The following RFTN2 variants were observed in gnomAD, a reference collection of about 807,000 sequenced individuals.
RFTN2 encodes raftlin-2.
In RFTN2, 34 loss-of-function variants were observed where a neutral mutation model predicts 52.7. The observed-to-expected ratio is 0.64, with a 90% CI of 0.49 to 0.86. The LOEUF (loss-of-function observed/expected upper bound fraction) is 0.86. RFTN2 is among the 40% of genes least tolerant of loss of function. RFTN2 has a pLI of 0.00. For missense variants in RFTN2, 536 were observed against 600.1 expected, an observed-to-expected ratio of 0.89 and a Z score of 1.12; for synonymous variants, 203 against 217.7, an observed-to-expected ratio of 0.93 and a Z score of 0.59.
At chr2:197,662,003 C>T (rs530262166) in intron 1 of RFTN2, among the ~76,000 whole-genome samples, 21 of 152,154 alleles carry the variant, frequency 1.4e-4, no homozygotes, top group South Asian at 2.1e-4. Flanking sequence ...AAATTGTTGA[C>T]GTGTTTGAGT....
intron 5 of RFTN2, among the ~76,000 whole-genome samples, chr2:197,618,949 G>A (rs560712420): frequency 1.3e-5 from 2 of 152,050 alleles, no homozygotes; most frequent in South Asian, 2.1e-4. Context: ...CGTCCGGGAG[G>A]GAGGTGGGGG....
intron 1 of RFTN2, among the ~76,000 whole-genome samples, chr2:197,658,466 T>G (rs1326610983): frequency 2.3e-5 from 3 of 127,660 alleles, no homozygotes; most frequent in African/African-American, 8.9e-5. Flanking sequence ...TTTTTTTTTT[T>G]GGCAGAGGTG....
chr2:197,626,165 T>A (rs2106225107), intron 5 of RFTN2, among the ~76,000 whole-genome samples: 1 of 152,300 alleles, frequency 6.6e-6, no homozygotes, highest in South Asian at 2.1e-4. Context: ...AATAAATATC[T>A]TGGTAAAAGC....
intron 1 of RFTN2, among the ~76,000 whole-genome samples, chr2:197,648,594 C>T (rs913976608): frequency 6.6e-6 from 1 of 152,082 alleles, no homozygotes; most frequent in Non-Finnish European, 1.5e-5. Context: ...TGAAACATAA[C>T]CTAAACTTAT....
Position 197,653,612 on chromosome 2 carries a change from G to A in RFTN2, c.140-6946C>T, listed in dbSNP as rs530101985. Among the ~76,000 whole-genome samples the A allele has an allele frequency of 7.3e-5, 11 of 151,714 alleles. No individual in the cohort carries two copies. The South Asian group carries it at 2.3e-3, about 32-fold the overall frequency. ...GATTTTTGTTCAACTTTACTAGAAA[G>A]CAGACTGCCAGCAACTTCAAAAATC... On this transcript the variant is annotated intron_variant, in intron 1 of 8. Transcript: ENST00000295049.
intron 1 of RFTN2, among the ~76,000 whole-genome samples, chr2:197,674,572 T>C (rs1489755763): frequency 6.6e-6 from 1 of 152,088 alleles, no homozygotes; most frequent in African/African-American, 2.4e-5. Context: ...TAATTAAAGA[T>C]ATAGCTTTTT....
intron 3 of RFTN2, 77 bp from the exon 4 acceptor site, chr2:197,634,074 C>T (rs1022438095): frequency 8.1e-7 from 1 of 1,240,384 alleles, no homozygotes; most frequent in Non-Finnish European, 1.1e-6. Flanking sequence ...AACCTTTAGG[C>T]TTATTGAGGA....
chr2:197,628,795 T>A (rs1440464607), intron 5 of RFTN2, among the ~76,000 whole-genome samples: 1 of 152,250 alleles, frequency 6.6e-6, no homozygotes, highest in African/African-American at 2.4e-5. Context: ...ATTTATTATA[T>A]CTTGTTACAT....
intron 5 of RFTN2, among the ~76,000 whole-genome samples, chr2:197,627,706 C>G (rs1160433886): frequency 2.0e-5 from 3 of 151,948 alleles, no homozygotes; most frequent in Admixed American, 2.0e-4. Flanking sequence ...CATTTGGAGG[C>G]TGGGGAAGTG....
chr2:197,594,915 C>T (rs1456439388), intron 8 of RFTN2, among the ~76,000 whole-genome samples: 3 of 152,326 alleles, frequency 2.0e-5, no homozygotes, highest in East Asian at 1.9e-4. Flanking sequence ...TTAAAATGTA[C>T]TAAACAATGT....
intron 1 of RFTN2, among the ~76,000 whole-genome samples, chr2:197,660,185 A>C (rs1174615485): frequency 1.3e-5 from 2 of 152,244 alleles, no homozygotes; most frequent in Non-Finnish European, 1.5e-5. Context: ...TCTGGATCAT[A>C]TTAATTCAGA....
intron 3 of RFTN2, among the ~76,000 whole-genome samples, chr2:197,642,262 T>C (rs2088685476): frequency 6.6e-6 from 1 of 152,206 alleles, no homozygotes; most frequent in African/African-American, 2.4e-5. Context: ...TTTCAGTTTC[T>C]TACCTGAAAG....
intron 3 of RFTN2, among the ~76,000 whole-genome samples, chr2:197,642,764 G>A (rs1400634082): frequency 1.3e-5 from 2 of 152,136 alleles, no homozygotes; most frequent in Non-Finnish European, 2.9e-5. Context: ...CAGTAGGATC[G>A]ATTGAGCCCA....
At chr2:197,600,880 A>T (rs1425102685) in intron 7 of RFTN2, among the ~76,000 whole-genome samples, 1 of 152,246 alleles carries the variant, frequency 6.6e-6, no homozygotes, top group East Asian at 1.9e-4. Flanking sequence ...AACTTTGGAA[A>T]ATATGCTTGA....
At chr2:197,601,011 C>G (rs899332972) in intron 7 of RFTN2, among the ~76,000 whole-genome samples, 1 of 152,194 alleles carries the variant, frequency 6.6e-6, no homozygotes, top group African/African-American at 2.4e-5. Context: ...TCTCTGAGGG[C>G]AGCAGATGAT....
intron 4 of RFTN2, among the ~76,000 whole-genome samples, chr2:197,633,381 G>C (rs994097897): frequency 6.6e-6 from 1 of 152,118 alleles, no homozygotes; most frequent in East Asian, 1.9e-4. Context: ...ACATAAATCA[G>C]AACAGCTTTT....
chr2:197,582,972 A>C (rs369022227), intron 8 of RFTN2, among the ~76,000 whole-genome samples: 2 of 152,176 alleles, frequency 1.3e-5, no homozygotes, highest in African/African-American at 4.8e-5. Flanking sequence ...TCTTTCAGCT[A>C]TCAATCTCTT....
intron 8 of RFTN2, among the ~76,000 whole-genome samples, chr2:197,593,500 C>A (rs899214449): frequency 6.6e-6 from 1 of 152,162 alleles, no homozygotes; most frequent in African/African-American, 2.4e-5. Context: ...TCTTCACAAG[C>A]ACAACTCCAT....
intron 8 of RFTN2, among the ~76,000 whole-genome samples, chr2:197,590,937 G>A (rs1015745590): frequency 2.0e-5 from 3 of 152,226 alleles, no homozygotes; most frequent in African/African-American, 7.2e-5. Context: ...CCCAAGTGGG[G>A]AAGACGAGCC....
Sources: allele counts gnomAD v4.1 joint callset (sites outside exome capture counted in the v4.1 genomes callset), GRCh38; gene constraint gnomAD v4.1.1; transcripts MANE v1.5; gene names NCBI Gene and HGNC (gene_info 2026-07-23, HGNC 2026-07-21).